BAZ2B: variants seen among roughly 807,000 people sequenced by gnomAD.
BAZ2B encodes the protein bromodomain adjacent to zinc finger domain protein 2B.
A neutral mutation model predicts 246.0 loss-of-function variants in BAZ2B; 91 were observed. The observed-to-expected ratio is 0.37, with a 90% confidence interval of 0.31 to 0.44. The LOEUF (loss-of-function observed/expected upper bound fraction) is 0.44, where lower values mean the gene tolerates loss of function less well. BAZ2B is among the 20% of genes least tolerant of loss of function. The pLI, the probability that BAZ2B is intolerant of heterozygous loss-of-function variation, is 1.00. For missense variants in BAZ2B, 2,332 were observed against 2,533.7 expected, an observed-to-expected ratio of 0.92 and a Z score of 1.71; for synonymous variants, 855 against 860.0, an observed-to-expected ratio of 0.99 and a Z score of 0.10.
chr2:159,607,740 T>G (rs79161148), intron 1 of BAZ2B, among the ~76,000 whole-genome samples: 101 of 152,288 alleles, frequency 6.6e-4, no homozygotes, highest in African/African-American at 2.4e-3. Flanking sequence ...GATCTTTTCT[T>G]CCTGATCTGT....
intron 2 of BAZ2B, among the ~76,000 whole-genome samples, chr2:159,479,765 A>G (rs931958565): frequency 6.6e-6 from 1 of 152,176 alleles, no homozygotes; most frequent in African/African-American, 2.4e-5. Context: ...AATTTTTCTC[A>G]TAAGATAAGA....
intron 1 of BAZ2B, among the ~76,000 whole-genome samples, chr2:159,605,044 G>C (rs1288237712): frequency 6.6e-6 from 1 of 152,052 alleles, no homozygotes; most frequent in African/African-American, 2.4e-5. Flanking sequence ...GAGAGAAAGA[G>C]AGAGAGACAG....
At chr2:159,617,523 AAG>A (rs1696225769), upstream of BAZ2B, among the ~76,000 whole-genome samples, 1 of 152,132 alleles carries the variant, frequency 6.6e-6, no homozygotes, top group Non-Finnish European at 1.5e-5. Context: ...TCCAGAACAC[AAG>A]AAAGTCTCAA....
downstream of BAZ2B, among the ~76,000 whole-genome samples, chr2:159,317,243 G>A (rs1214491183): frequency 1.3e-5 from 2 of 152,144 alleles, no homozygotes; most frequent in African/African-American, 4.8e-5. Flanking sequence ...ACAGAATTTT[G>A]AATTTCCTTA....
At chr2:159,376,872 T>C (rs768072) in intron 25 of BAZ2B, among the ~76,000 whole-genome samples, 100,834 of 151,980 alleles carry the variant, frequency 0.66, 35,646 homozygotes, top group Non-Finnish European at 0.81. Context: ...CTTGGAAGAA[T>C]AGACAGAAAG....
intron 3 of BAZ2B, among the ~76,000 whole-genome samples, chr2:159,477,414 A>G (rs192430511): frequency 0.011 from 1,716 of 152,114 alleles, 34 homozygotes; most frequent in African/African-American, 0.04. Flanking sequence ...ATCCCTAAGA[A>G]TATATTAGAA....
At chr2:159,395,341 T>G (rs1259468806) in intron 20 of BAZ2B, 1 of 152,668 alleles carries the variant, frequency 6.6e-6, no homozygotes, top group Admixed American at 6.5e-5. Context: ...AAAAGTTATT[T>G]TAAGAAAAGT....
chr2:159,675,248 A>T, the BAZ2B span, among the ~76,000 whole-genome samples: 13 of 152,138 alleles, frequency 8.5e-5, no homozygotes, highest in Non-Finnish European at 1.6e-4. Flanking sequence ...ATAAAATATT[A>T]AAAATTTTTT....
the BAZ2B span, among the ~76,000 whole-genome samples, chr2:159,681,786 G>T: frequency 6.6e-6 from 1 of 152,204 alleles, no homozygotes; most frequent in South Asian, 2.1e-4. Flanking sequence ...TTAGCCAGGC[G>T]TAGTGGTGGG....
chr2:159,699,885 G>C, the BAZ2B span, among the ~76,000 whole-genome samples: 1 of 152,152 alleles, frequency 6.6e-6, no homozygotes, highest in Non-Finnish European at 1.5e-5. Context: ...CAGCTGGACT[G>C]GTATCTGGTG....
chr2:159,606,036 C>A (rs1341281623), intron 1 of BAZ2B, among the ~76,000 whole-genome samples: 4 of 152,128 alleles, frequency 2.6e-5, no homozygotes, highest in Admixed American at 2.0e-4. Context: ...TTCAAATCCC[C>A]AAGGCATGAT....
intron 6 of BAZ2B, among the ~76,000 whole-genome samples, chr2:159,440,161 A>T (rs909773626): frequency 6.6e-6 from 1 of 152,242 alleles, no homozygotes; most frequent in African/African-American, 2.4e-5. Context: ...GGGAAAGTTA[A>T]AATTTCACCA....
chr2:159,627,907 T>C, the BAZ2B span, among the ~76,000 whole-genome samples: 1 of 152,222 alleles, frequency 6.6e-6, no homozygotes. Context: ...CATGATTGTG[T>C]ATTTAGAAAA....
At chr2:159,494,750 A>G (rs2080882903) in intron 2 of BAZ2B, among the ~76,000 whole-genome samples, 1 of 152,226 alleles carries the variant, frequency 6.6e-6, no homozygotes, top group Admixed American at 6.5e-5. Flanking sequence ...TCTAAGTGAT[A>G]ATTATACAAA....
intron 20 of BAZ2B, among the ~76,000 whole-genome samples, chr2:159,393,336 A>C (rs2063576797): frequency 6.6e-6 from 1 of 152,152 alleles, no homozygotes; most frequent in Admixed American, 6.6e-5. Context: ...GGAAAGCAAT[A>C]ATGAGAACAG....
At chr2:159,593,842 T>C (rs1273077667) in intron 1 of BAZ2B, among the ~76,000 whole-genome samples, 2 of 152,216 alleles carry the variant, frequency 1.3e-5, no homozygotes, top group Non-Finnish European at 2.9e-5. Context: ...ACTACTGTAA[T>C]ATAAAATTTG....
chr2:159,565,930 C>T (rs1682450954), intron 1 of BAZ2B, among the ~76,000 whole-genome samples: 1 of 151,936 alleles, frequency 6.6e-6, no homozygotes, highest in Non-Finnish European at 1.5e-5. Flanking sequence ...GGAAATACAA[C>T]AAATAGACAA....
chr2:159,530,710 C>G (rs1311438888), intron 2 of BAZ2B, among the ~76,000 whole-genome samples: 1 of 152,114 alleles, frequency 6.6e-6, no homozygotes, highest in Non-Finnish European at 1.5e-5. Flanking sequence ...GTGGCTCACA[C>G]CTTAATCCTA....
chr2:159,356,615 G>A, intron 27 of BAZ2B, among the ~76,000 whole-genome samples: 1 of 152,314 alleles, frequency 6.6e-6, no homozygotes, highest in South Asian at 2.1e-4. Flanking sequence ...CAGCACAGTA[G>A]TCAAGCTCTG....
Sources: gnomAD v4.1 joint callset for allele counts (sites outside exome capture counted in the v4.1 genomes callset) on GRCh38, gnomAD v4.1.1 for gene constraint, MANE v1.5 for transcripts, NCBI Gene and HGNC (gene_info 2026-07-23, HGNC 2026-07-21) for gene names.